Variants in OTUD3 observed in about 807,000 individuals in gnomAD.
The protein encoded by OTUD3 is OTU domain-containing protein 3.
A neutral mutation model predicts 46.2 loss-of-function variants in OTUD3; 24 were observed. The observed-to-expected ratio is 0.52, with a 90% CI of 0.38 to 0.73. The LOEUF (loss-of-function observed/expected upper bound fraction) is 0.73. OTUD3 is among the 30% of genes least tolerant of loss of function. OTUD3 has a pLI of 0.00. For synonymous variants in OTUD3, 189 were observed against 195.4 expected, an observed-to-expected ratio of 0.97 and a Z score of 0.27; for missense variants, 455 against 523.3, an observed-to-expected ratio of 0.87 and a Z score of 1.27.
At chr1:19,906,345 C>A in intron 6 of OTUD3, 87 bp from the exon 7 acceptor site, 2 of 1,170,210 alleles carry the variant, frequency 1.7e-6, no homozygotes, top group East Asian at 2.6e-5. Context: ...GAAGTAGGGA[C>A]CCAGGTAATT....
At chr1:19,898,495 G>A (rs1486601368) in intron 4 of OTUD3, among the ~76,000 whole-genome samples, 1 of 151,770 alleles carries the variant, frequency 6.6e-6, no homozygotes, top group South Asian at 2.1e-4. Flanking sequence ...TTGGGAGGCC[G>A]AGGCGGGCGG....
rs574852862 is a variant in OTUD3 at position 19,884,655 on chromosome 1, C to T, written c.221+1921C>T. On this transcript the variant is annotated intron_variant, in intron 1 of 7. Transcript: ENST00000375120. ...TAAAACACAAGAATACACACACATT[C>T]CATTAGCTATCAGAGTGATGACTTC... is the stretch of plus-strand genomic sequence containing the variant. Among the ~76,000 whole-genome samples, 7 of 152,250 alleles carry T rather than the reference C, an allele frequency of 4.6e-5. No individual in the cohort carries two copies. In the East Asian group the frequency reaches 1.4e-3, roughly 29 times the overall value.
chr1:19,887,492 G>A (rs1415242393), intron 1 of OTUD3, among the ~76,000 whole-genome samples: 1 of 152,180 alleles, frequency 6.6e-6, no homozygotes, highest in African/African-American at 2.4e-5. Flanking sequence ...GTCACATGCG[G>A]TTAGCAACCA....
At chr1:19,885,232 C>T (rs1571157007) in intron 1 of OTUD3, among the ~76,000 whole-genome samples, 1 of 152,154 alleles carries the variant, frequency 6.6e-6, no homozygotes, top group East Asian at 1.9e-4. Flanking sequence ...TCCAAGGTTC[C>T]TGTTATTCGG....
chr1:19,904,549 T>A (rs534504873), intron 5 of OTUD3, 151 bp downstream of exon 5: 2 of 678,100 alleles, frequency 2.9e-6, no homozygotes, highest in African/African-American at 1.8e-5. Context: ...GTATGTGGCT[T>A]AATGAGAGCT....
At chr1:19,887,739 T>C (rs1557673935) in intron 1 of OTUD3, among the ~76,000 whole-genome samples, 1 of 152,202 alleles carries the variant, frequency 6.6e-6, no homozygotes, top group African/African-American at 2.4e-5. Flanking sequence ...AGGCCAAACA[T>C]CACTAGTAGT....
At chr1:19,888,129 G>C (rs1420411887) in intron 1 of OTUD3, among the ~76,000 whole-genome samples, 1 of 152,314 alleles carries the variant, frequency 6.6e-6, no homozygotes, top group East Asian at 1.9e-4. Context: ...CACAACTGAT[G>C]GGGAGGGAGG....
Position 19,907,993 on chromosome 1 carries a change from A to G in OTUD3, c.*247A>G, listed in dbSNP as rs1470814534. 1 of 372,574 alleles carries G rather than the reference A, an allele frequency of 2.7e-6. No individual in the cohort carries two copies. The highest frequency in any genetic ancestry group is 4.8e-6 in the Non-Finnish European group (1 of 207,580). The allele number at this position is 372,574 out of a possible 1,614,324, so 23.1% of individuals were successfully genotyped here. On this transcript the variant is annotated 3_prime_UTR_variant, in exon 8 of 8. Coordinates refer to ENST00000375120, the MANE Select transcript of OTUD3 (RefSeq NM_015207.2). The stretch of plus-strand genomic sequence containing the variant: ...TCTGTAATACAAAATTAAAATACTG[A>G]GTTTTAGGGGCAGATAGTTAGGTCA...
chr1:19,900,811 C>A (rs2045576022), intron 4 of OTUD3, among the ~76,000 whole-genome samples: 1 of 145,766 alleles, frequency 6.9e-6, no homozygotes, highest in Non-Finnish European at 1.5e-5. Flanking sequence ...AATTAATTTT[C>A]TTTTTATAAG....
In OTUD3 at chr1:19,904,434, C is replaced by A. The variant is rs373658430; in HGVS notation, c.738+36C>A. The A allele has an allele frequency of 7.6e-6, 12 of 1,588,908 alleles. No individual in the cohort carries two copies. The East Asian group carries it at 2.0e-4, about 27-fold the overall frequency. On this transcript the variant is annotated intron_variant, in intron 5 of 7. Transcript: ENST00000375120. ...CTGTCTTGCAGGAATGATTTAGAAG[C>A]AAGCATTGCTGTGCCTAGCTTACTT...
At position 19,882,597 on chromosome 1, in the gene OTUD3, G is replaced by T; in HGVS notation, c.84G>T (p.Ala28=). The T allele has an allele frequency of 7.0e-7, 1 of 1,424,294 alleles. No individual in the cohort carries two copies. The highest frequency in any genetic ancestry group is 9.2e-7 in the Non-Finnish European group (1 of 1,092,830). The allele number at this position is 1,424,294 out of a possible 1,614,324, so 88.2% of individuals were successfully genotyped here. Residue 28 remains alanine (A), a synonymous_variant, in exon 1 of 8, where the codon GCG becomes GCT. Transcript: ENST00000375120. ...AEAERKRDER[A]ARRALAKERR... ...CCGAGCGCAAGCGGGACGAGCGGGC[G>T]GCGCGCCGGGCCCTGGCCAAGGAGC... is the stretch of plus-strand genomic sequence containing the variant.
chr1:19,908,572 A>G lies in OTUD3; in HGVS notation c.*826A>G, dbSNP rs976920117. The G allele has an allele frequency of 5.9e-5, 9 of 152,104 alleles. No individual in the cohort carries two copies. The highest frequency in any genetic ancestry group is 2.2e-4 in the African/African-American group (9 of 41,362). The allele number at this position is 152,104 out of a possible 1,614,324, so 9.4% of individuals were successfully genotyped here. On this transcript the variant is annotated 3_prime_UTR_variant, in exon 8 of 8. Transcript: ENST00000375120. The stretch of plus-strand genomic sequence containing the variant: ...TCTGATAGTGTGTAGAGCAGGGTCT[A>G]TAGTTGTAACAGGAGACGAACTCCT...
intron 3 of OTUD3, among the ~76,000 whole-genome samples, chr1:19,895,163 A>G (rs1171962230): frequency 1.3e-5 from 2 of 152,242 alleles, no homozygotes; most frequent in Non-Finnish European, 2.9e-5. Flanking sequence ...CCACATATAT[A>G]CGGACACTTC....
chr1:19,899,786 G>A (rs1557679588), intron 4 of OTUD3, among the ~76,000 whole-genome samples: 1 of 152,148 alleles, frequency 6.6e-6, no homozygotes, highest in Non-Finnish European at 1.5e-5. Flanking sequence ...CCTTTTCATT[G>A]TTAGGGGAAA....
At chr1:19,894,863 T>C (rs2045497010) in intron 3 of OTUD3, among the ~76,000 whole-genome samples, 1 of 152,214 alleles carries the variant, frequency 6.6e-6, no homozygotes, top group South Asian at 2.1e-4. Flanking sequence ...CACTCTGCCC[T>C]GCTCCACCAC....
At chr1:19,898,417 T>C (rs2045544670) in intron 4 of OTUD3, among the ~76,000 whole-genome samples, 1 of 152,152 alleles carries the variant, frequency 6.6e-6, no homozygotes, top group Non-Finnish European at 1.5e-5. Context: ...TATATAGCTT[T>C]GTTTCCTGTT....
chr1:19,906,022 G>C (rs558547071), intron 6 of OTUD3, among the ~76,000 whole-genome samples: 6 of 152,302 alleles, frequency 3.9e-5, no homozygotes, highest in Middle Eastern at 3.4e-3. Context: ...GGAGAGCTAC[G>C]TTTTAAATGT....
At chr1:19,900,778 A>G (rs907162858) in intron 4 of OTUD3, among the ~76,000 whole-genome samples, 1 of 152,036 alleles carries the variant, frequency 6.6e-6, no homozygotes, top group Non-Finnish European at 1.5e-5. Flanking sequence ...ATATTTTAAA[A>G]TCTGGTAGGA....
At chr1:19,887,833 A>G (rs75341433) in intron 1 of OTUD3, among the ~76,000 whole-genome samples, 19,098 of 152,200 alleles carry the variant, frequency 0.13, 1,538 homozygotes, top group East Asian at 0.29. Flanking sequence ...CCAGTACCCT[A>G]TCTGGTCTGA....
Sources: allele counts gnomAD v4.1 joint callset (sites outside exome capture counted in the v4.1 genomes callset), GRCh38; gene constraint gnomAD v4.1.1; transcripts MANE v1.5; gene names NCBI Gene and HGNC (gene_info 2026-07-23, HGNC 2026-07-21).